The following SLC2A9 variants were observed in gnomAD, a reference collection of about 807,000 sequenced individuals.
SLC2A9 encodes solute carrier family 2 member 9.
A neutral mutation model predicts 50.6 loss-of-function variants in SLC2A9; 39 were observed. The observed-to-expected ratio is 0.77, with a 90% CI of 0.60 to 1.01. SLC2A9 has a LOEUF of 1.01. Ranked by LOEUF, SLC2A9 falls within the 50% of genes least tolerant of loss-of-function variation. SLC2A9 has a pLI of 0.00. For synonymous variants in SLC2A9, 324 were observed against 276.9 expected, an observed-to-expected ratio of 1.17 and a Z score of -1.69; for missense variants, 686 against 677.6, an observed-to-expected ratio of 1.01 and a Z score of -0.14.
intron 1 of SLC2A9, among the ~76,000 whole-genome samples, chr4:10,020,341 T>G (rs1763358685): frequency 6.6e-6 from 1 of 152,122 alleles, no homozygotes; most frequent in African/African-American, 2.4e-5. Context: ...GTGACTTGAC[T>G]TTTCTGGGGC....
In SLC2A9 at chr4:9,980,606, C is replaced by T. The variant is rs147289616; in HGVS notation, c.667G>A (p.Glu223Lys). Reference protein sequence around the residue: ...VFTGQLLGLPELLGKESTWPY... With the variant: ...VFTGQLLGLPKLLGKESTWPY... The stretch of plus-strand genomic sequence containing the variant: ...GCCACACTCACCTTTCCCAGCAGCT[C>T]GGGCAGGCCCAGAAGCTGCCCAGTG... The change falls in exon 5 of 12, where the codon GAG (glutamate) becomes AAG (lysine). Residue 223 changes from glutamate to lysine, a missense_variant. Glu to Lys is a moderately conservative substitution (Grantham distance 56). Transcript: ENST00000264784. 11 of 1,614,030 alleles carry T rather than the reference C, an allele frequency of 6.8e-6. No individual in the cohort carries two copies. The highest frequency in any genetic ancestry group is 3.3e-5 in the Admixed American group (2 of 60,010).
downstream of SLC2A9, among the ~76,000 whole-genome samples, chr4:9,823,113 T>C (rs1195856743): frequency 1.3e-5 from 2 of 152,212 alleles, no homozygotes; most frequent in Admixed American, 6.5e-5. Flanking sequence ...GGAGTGTGCT[T>C]ACTTAGCCAG....
intron 3 of SLC2A9, among the ~76,000 whole-genome samples, chr4:9,785,224 T>C (rs1719066729): frequency 6.6e-6 from 1 of 152,194 alleles, no homozygotes; most frequent in African/African-American, 2.4e-5. Context: ...TGTCTGTAAA[T>C]GGAAAGACTT....
chr4:9,783,118 C>A, intron 3 of SLC2A9: 3 of 1,614,228 alleles, frequency 1.9e-6, no homozygotes, highest in Non-Finnish European at 2.5e-6. Flanking sequence ...CCTTCAACGC[C>A]GACTTTCAGA....
At chr4:9,931,969 T>TATATATATATAC in intron 6 of SLC2A9, among the ~76,000 whole-genome samples, 1 of 65,742 alleles carries the variant, frequency 1.5e-5, no homozygotes. Flanking sequence ...TCTCTATATA[T>TATATATATATAC]ATATATATAT....
At chr4:10,001,140 G>A (rs1311814225) in intron 2 of SLC2A9, among the ~76,000 whole-genome samples, 1 of 152,156 alleles carries the variant, frequency 6.6e-6, no homozygotes, top group Non-Finnish European at 1.5e-5. Context: ...AGGACACAAA[G>A]ACAGACACGG....
intron 10 of SLC2A9, among the ~76,000 whole-genome samples, chr4:9,853,175 CAA>C (rs35342884): frequency 1.4e-4 from 11 of 79,452 alleles, no homozygotes; most frequent in Admixed American, 3.1e-4. Context: ...AACTCCCTCT[CAA>C]AAAAAAAAAA....
intron 10 of SLC2A9, among the ~76,000 whole-genome samples, chr4:9,844,070 A>G (rs984956922): frequency 6.6e-5 from 10 of 151,522 alleles, no homozygotes; most frequent in African/African-American, 2.4e-4. Context: ...CTCTTATTTT[A>G]CAGATTAGGA....
chr4:9,920,870 G>A (rs576995218), intron 6 of SLC2A9, among the ~76,000 whole-genome samples: 4 of 152,324 alleles, frequency 2.6e-5, no homozygotes, highest in African/African-American at 7.2e-5. Flanking sequence ...GTTCAAACCC[G>A]TCTATAACAT....
upstream of SLC2A9, chr4:10,025,933 C>T (rs758262176): frequency 4.0e-5 from 65 of 1,613,532 alleles, no homozygotes; most frequent in Non-Finnish European, 5.2e-5. Context: ...TCACTTTCTT[C>T]ATCTTCTCCT....
intron 8 of SLC2A9, among the ~76,000 whole-genome samples, chr4:9,899,615 A>T (rs377695521): frequency 6.6e-6 from 1 of 152,224 alleles, no homozygotes; most frequent in African/African-American, 2.4e-5. Context: ...TCAATGAAAC[A>T]AACTTTTTTG....
chr4:10,025,853 T>C, upstream of SLC2A9: 1 of 1,581,206 alleles, frequency 6.3e-7, no homozygotes, highest in Non-Finnish European at 8.7e-7. Context: ...TACTACCCCC[T>C]GGGTGACCGG....
intron 3 of SLC2A9, among the ~76,000 whole-genome samples, chr4:9,988,424 C>A (rs147153809): frequency 6.6e-6 from 1 of 152,214 alleles, no homozygotes; most frequent in South Asian, 2.1e-4. Context: ...CATGTGCAAA[C>A]GGGAGTGCAC....
At chr4:9,973,135 T>C (rs559695346) in intron 5 of SLC2A9, among the ~76,000 whole-genome samples, 1 of 152,128 alleles carries the variant, frequency 6.6e-6, no homozygotes, top group African/African-American at 2.4e-5. Flanking sequence ...TCCACAGAAA[T>C]ATAAAATATC....
intron 5 of SLC2A9, among the ~76,000 whole-genome samples, chr4:9,959,899 C>T (rs528717514): frequency 6.6e-6 from 1 of 152,304 alleles, no homozygotes; most frequent in South Asian, 2.1e-4. Flanking sequence ...GGCTGAGTCA[C>T]ATTCAGGGTC....
intron 5 of SLC2A9, among the ~76,000 whole-genome samples, chr4:9,965,455 T>C (rs754857979): frequency 2.0e-5 from 3 of 152,222 alleles, no homozygotes; most frequent in Non-Finnish European, 4.4e-5. Flanking sequence ...TTTTTTACCA[T>C]TATAAAATGG....
chr4:9,825,760 G>T (rs986403552), downstream of SLC2A9, among the ~76,000 whole-genome samples: 1 of 152,156 alleles, frequency 6.6e-6, no homozygotes, highest in African/African-American at 2.4e-5. Flanking sequence ...AACACAGTTT[G>T]GGAAAGACAA....
At chr4:9,984,857 T>C (rs1021406128) in intron 4 of SLC2A9, among the ~76,000 whole-genome samples, 1 of 152,166 alleles carries the variant, frequency 6.6e-6, no homozygotes, top group Non-Finnish European at 1.5e-5. Flanking sequence ...CAACCCTCCC[T>C]GCATACTCGG....
intron 7 of SLC2A9, among the ~76,000 whole-genome samples, chr4:9,917,672 A>T (rs1296777688): frequency 1.3e-5 from 2 of 152,140 alleles, no homozygotes; most frequent in African/African-American, 4.8e-5. Flanking sequence ...AACATTCATC[A>T]GCTCCTTAGC....
Sources: allele counts gnomAD v4.1 joint callset (sites outside exome capture counted in the v4.1 genomes callset), GRCh38; gene constraint gnomAD v4.1.1; transcripts MANE v1.5; gene names NCBI Gene and HGNC (gene_info 2026-07-23, HGNC 2026-07-21).